The following GP5 variants were observed in gnomAD, a reference collection of about 807,000 sequenced individuals.
The protein encoded by GP5 is platelet glycoprotein V.
For missense variants in GP5, 755 were observed against 737.1 expected (o/e 1.02, Z -0.28); for synonymous variants, 382 against 353.9 (o/e 1.08, Z -0.89).
rs202163032 is a variant in GP5 at position 194,397,577 on chromosome 3, C to A, written c.706G>T (p.Gly236Trp). The change falls in exon 2 of 2, where the codon GGG (glycine) becomes TGG (tryptophan). Residue 236 changes from glycine (G) to tryptophan (W), a missense_variant. Transcript: ENST00000692618. The surrounding 1 kb of genome is among the most constrained non-coding windows in gnomAD (Gnocchi z 7.2). ...AGGTTTGGGAGCCGGTCGAAGGCCCCGGGTGCGATGGAACGGATGTGATTT... is the reference window on the plus strand; with the variant it reads ...AGGTTTGGGAGCCGGTCGAAGGCCCAGGGTGCGATGGAACGGATGTGATTT... ...HRNHIRSIAPGAFDRLPNLSS... is the reference protein window; with the variant it reads ...HRNHIRSIAPWAFDRLPNLSS... 6.2e-7 allele frequency: 1 copy of A among 1,614,122 alleles called. No individual in the cohort carries two copies. Among genetic ancestry groups the A allele is most frequent in the East Asian group, 2.2e-5 (1 of 44,864 alleles).
In GP5 at chr3:194,397,660, G is replaced by C; in HGVS notation, c.623C>G (p.Ser208Cys). 1 of 1,614,190 alleles carries C rather than the reference G, an allele frequency of 6.2e-7. No homozygotes were observed. The highest frequency in any genetic ancestry group is 8.5e-7 in the Non-Finnish European group (1 of 1,180,014). The change falls in exon 2 of 2, where the codon TCT becomes TGT. Residue 208 changes from serine to cysteine, a missense_variant. Transcript: ENST00000692618. The surrounding 1 kb of genome is among the most constrained non-coding windows in gnomAD (Gnocchi z 7.2). ...GCTGTTCAACAGCCCCGAATCCAGA[G>C]ACACAAGGCGGTTCGAGTGGAGCAG... The part of the protein sequence containing the change: ...RLLLHSNRLV[S>C]LDSGLLNSLG...
Position 194,397,681 on chromosome 3 carries a change from A to G in GP5, c.602T>C (p.Leu201Pro). 1 of 1,614,014 alleles carries G rather than the reference A, an allele frequency of 6.2e-7. No individual in the cohort carries two copies. The highest frequency in any genetic ancestry group is 8.5e-7 in the Non-Finnish European group (1 of 1,179,978). The change falls in exon 2 of 2, where the codon CTC becomes CCC. Residue 201 changes from leucine (L) to proline (P), a missense_variant. Transcript: ENST00000692618. The surrounding 1 kb of genome is among the most constrained non-coding windows in gnomAD (Gnocchi z 7.2). ...CAGAGACACAAGGCGGTTCGAGTGG[A>G]GCAGAAGTCTCTCGAGCTTAGCCTG... ...GAQAKLERLL[L>P]HSNRLVSLDS...
Position 194,396,799 on chromosome 3 carries a change from G to A in GP5, c.1484C>T (p.Ala495Val). 1.9e-6 allele frequency: 3 copies of A among 1,611,316 alleles called. No homozygotes were observed. The highest frequency in any genetic ancestry group is 2.5e-6 in the Non-Finnish European group (3 of 1,178,622). The part of the protein sequence containing the change: ...DSSSEAPVHP[A>V]LAPNSSEPWV... ...GGGTTCTGAGCTGTTGGGAGCCAAG[G>A]CTGGGTGGACAGGGGCTTCCGAGGA... The change falls in exon 2 of 2, where the codon GCC becomes GTC. Residue 495 changes from alanine to valine, a missense_variant. Ala to Val is a moderately conservative substitution (Grantham distance 64). Coordinates refer to ENST00000692618, the MANE Select transcript of GP5 (RefSeq NM_004488.2).
chr3:194,396,951 G>C lies in GP5; in HGVS notation c.1332C>G (p.Gly444=). 6.5e-7 allele frequency: 1 copy of C among 1,545,582 alleles called. No individual in the cohort carries two copies. The highest frequency in any genetic ancestry group is 1.4e-5 in the African/African-American group (1 of 73,276). The change falls in exon 2 of 2, where the codon GGC becomes GGG. Residue 444 remains glycine, a synonymous_variant. Coordinates refer to ENST00000692618, the MANE Select transcript of GP5 (RefSeq NM_004488.2). ...GWLRQHLGLV[G]GEEPPRCAGP... is the part of the protein sequence containing the mutation. ...CTGCGCACCGTGGGGGCTCTTCCCC[G>C]CCCACGAGGCCTAGGTGCTGCCGCA...
chr3:194,396,813 G>T lies in GP5; in HGVS notation c.1470C>A (p.Ala490=). The change falls in exon 2 of 2, where the codon GCC becomes GCA. Residue 490 remains alanine (A), a synonymous_variant. Coordinates refer to ENST00000692618, the MANE Select transcript of GP5 (RefSeq NM_004488.2). ...PRPAADSSSE[A]PVHPALAPNS... ...TGGGAGCCAAGGCTGGGTGGACAGG[G>T]GCTTCCGAGGAGCTGTCCGCAGCGG... The T allele has an allele frequency of 6.2e-7, 1 of 1,605,064 alleles. No homozygotes were observed. The highest frequency in any genetic ancestry group is 1.3e-5 in the African/African-American group (1 of 74,392).
rs1714423387 is a variant in GP5 at position 194,395,224 on chromosome 3, T to G, written c.*1376A>C. On this transcript the variant is annotated 3_prime_UTR_variant, in exon 2 of 2. Transcript: ENST00000692618. ...AGTTAGTAAGTGGTAGAGCTGGGATTTGAACCCACAGTTGTCAACTCGCCA... is the reference window on the plus strand; with the variant it reads ...AGTTAGTAAGTGGTAGAGCTGGGATGTGAACCCACAGTTGTCAACTCGCCA... 1 of 152,212 alleles carries G rather than the reference T, an allele frequency of 6.6e-6. No individual in the cohort carries two copies. Among genetic ancestry groups the G allele is most frequent in the African/African-American group, 2.4e-5 (1 of 41,436 alleles). 9.4% of individuals were successfully genotyped at this position (152,212 alleles called of 1,614,324 possible).
In GP5 at chr3:194,397,775, C is replaced by T. The variant is rs1714505258; in HGVS notation, c.508G>A (p.Glu170Lys). 1.2e-6 allele frequency: 2 copies of T among 1,613,826 alleles called. No homozygotes were observed. Among genetic ancestry groups the T allele is most frequent in the Admixed American group, 1.7e-5 (1 of 59,992 alleles). Reference sequence around the variant, plus strand: ...GATAAATCCAACAACTTCAGGTTCTCCAGATTCGTGAAGAGACTGGCAGGA... The same window carrying T: ...GATAAATCCAACAACTTCAGGTTCTTCAGATTCGTGAAGAGACTGGCAGGA... ...FLPASLFTNL[E>K]NLKLLDLSGN... is the part of the protein sequence containing the mutation. Residue 170 changes from glutamate to lysine, a missense_variant, in exon 2 of 2, where the codon GAG (glutamate) becomes AAG (lysine). Physicochemically the swap from Glu to Lys is moderately conservative, Grantham distance 56. Transcript: ENST00000692618. This position sits in a 1 kb window ranked among gnomAD's most constrained non-coding sequence, Gnocchi z 7.2.
rs1714421694 is a variant in GP5, at chr3:194,395,158, C to G, written c.*1442G>C. On this transcript the variant is annotated 3_prime_UTR_variant, in exon 2 of 2. Transcript: ENST00000692618. ...TGTTTTAAGGTTCAGGAAACCAAGG[C>G]TTAGAGAATGTAAGCAGGTGTCTTA... 6.6e-6 allele frequency: 1 copy of G among 152,206 alleles called. No individual in the cohort carries two copies. Among genetic ancestry groups the G allele is most frequent in the African/African-American group, 2.4e-5 (1 of 41,444 alleles). The allele number at this position is 152,206 out of a possible 1,614,324, so 9.4% of individuals were successfully genotyped here.
rs763621126 is a variant in GP5, at chr3:194,396,288, G to A, written c.*312C>T. ...GCACGGATGGGTCCAACACAGTCCA[G>A]CGCCCCCGGCAGTGTCAGCGCACAC... On this transcript the variant is annotated 3_prime_UTR_variant, in exon 2 of 2. Transcript: ENST00000692618. The A allele has an allele frequency of 1.2e-5, 4 of 321,972 alleles. No individual in the cohort carries two copies. Among genetic ancestry groups the A allele is most frequent in the Non-Finnish European group, 1.7e-5 (3 of 171,962 alleles). 19.9% of individuals were successfully genotyped at this position (321,972 alleles called of 1,614,324 possible). A position where few individuals can be genotyped will look rare whatever the true frequency, so the allele number is the denominator to read the frequency against.
chr3:194,397,871 C>CCA lies in GP5; in HGVS notation c.411_412insTG (p.Asp138TrpfsTer17). On this transcript the variant is annotated frameshift_variant, in exon 2 of 2. Coordinates refer to ENST00000692618, the MANE Select transcript of GP5 (RefSeq NM_004488.2). LOFTEE classifies it low-confidence loss of function (END_TRUNC). This position sits in a 1 kb window ranked among gnomAD's most constrained non-coding sequence, Gnocchi z 7.2. The stretch of plus-strand genomic sequence containing the variant: ...ACCAGTTTCTGAAACATGTTTTGGT[C>CCA]AATGCCCCTTAGCGCATTGTGGTCC... 1.2e-6 allele frequency: 2 copies of CCA among 1,614,100 alleles called. No homozygotes were observed. Among genetic ancestry groups the CCA allele is most frequent in the Non-Finnish European group, 1.7e-6 (2 of 1,179,976 alleles).
At position 194,396,858 on chromosome 3, in the gene GP5, G is replaced by T; in HGVS notation, c.1425C>A (p.Pro475=). The T allele has an allele frequency of 6.5e-7, 1 of 1,549,558 alleles. No homozygotes were observed. Among genetic ancestry groups the T allele is most frequent in the Non-Finnish European group, 8.7e-7 (1 of 1,153,878 alleles). ...LPGGDAECPG[P]RGPPPRPAAD... is the part of the protein sequence containing the mutation. ...CAGCGGGGCGGGGAGGCGGGCCCCG[G>T]GGGCCCGGGCACTCCGCGTCACCCC... is the stretch of plus-strand genomic sequence containing the variant. The change falls in exon 2 of 2, where the codon CCC becomes CCA. Residue 475 remains proline, a synonymous_variant. Coordinates refer to ENST00000692618, the MANE Select transcript of GP5 (RefSeq NM_004488.2).
At position 194,397,199 on chromosome 3, in the gene GP5, G is replaced by T. The variant is rs775105351; in HGVS notation, c.1084C>A (p.Leu362Ile). Residue 362 changes from leucine to isoleucine, a missense_variant, in exon 2 of 2, where the codon CTC becomes ATC. Coordinates refer to ENST00000692618, the MANE Select transcript of GP5 (RefSeq NM_004488.2). This position sits in a 1 kb window ranked among gnomAD's most constrained non-coding sequence, Gnocchi z 7.2. ...AGGGACACCTGGCGCAGCTTGCCGA[G>T]GCCGCGCAGCAAGCCGTCGGGGAGG... is the stretch of plus-strand genomic sequence containing the variant. ...TALPDGLLRG[L>I]GKLRQVSLRR... 1.5e-5 allele frequency: 23 copies of T among 1,570,722 alleles called. No homozygotes were observed. In the African/African-American group the frequency reaches 2.6e-4, roughly 17 times the overall value.
At position 194,395,648 on chromosome 3, in the gene GP5, A is replaced by C. The variant is rs900773272; in HGVS notation, c.*952T>G. 1 of 152,270 alleles carries C rather than the reference A, an allele frequency of 6.6e-6. No individual in the cohort carries two copies. The highest frequency in any genetic ancestry group is 1.5e-5 in the Non-Finnish European group (1 of 68,060). 9.4% of individuals were successfully genotyped at this position (152,270 alleles called of 1,614,324 possible). A position where few individuals can be genotyped will look rare whatever the true frequency, so the allele number is the denominator to read the frequency against. The stretch of plus-strand genomic sequence containing the variant: ...ATGAATGGAGTCCAGTGCTCTCCCA[A>C]GTAGCCCATAGGTCAGAGAGACATA... On this transcript the variant is annotated 3_prime_UTR_variant, in exon 2 of 2. Coordinates refer to ENST00000692618, the MANE Select transcript of GP5 (RefSeq NM_004488.2).
At position 194,395,502 on chromosome 3, in the gene GP5, T is replaced by TG. The variant is rs2108670848; in HGVS notation, c.*1097dup. 1 of 152,278 alleles carries TG rather than the reference T, an allele frequency of 6.6e-6. No individual in the cohort carries two copies. The highest frequency in any genetic ancestry group is 6.5e-5 in the Admixed American group (1 of 15,294). 9.4% of individuals were successfully genotyped at this position (152,278 alleles called of 1,614,324 possible). ...ACATGTTGCATGGATGTAAAGCAAG[T>TG]GGAAACTCACAGGAGGCTCAGGAAA... On this transcript the variant is annotated 3_prime_UTR_variant, in exon 2 of 2. Transcript: ENST00000692618.
rs908690078 is a variant in GP5 at position 194,395,532 on chromosome 3, C to T, written c.*1068G>A. Reference sequence around the variant, plus strand: ...ACTCACAGGAGGCTCAGGAAACACGCTGGACCTACACTGGGCACCTGGAGG... The same window carrying T: ...ACTCACAGGAGGCTCAGGAAACACGTTGGACCTACACTGGGCACCTGGAGG... On this transcript the variant is annotated 3_prime_UTR_variant, in exon 2 of 2. Transcript: ENST00000692618. 1 of 152,254 alleles carries T rather than the reference C, an allele frequency of 6.6e-6. No individual in the cohort carries two copies. The highest frequency in any genetic ancestry group is 2.4e-5 in the African/African-American group (1 of 41,458). 9.4% of individuals were successfully genotyped at this position (152,254 alleles called of 1,614,324 possible). A position where few individuals can be genotyped will look rare whatever the true frequency, so the allele number is the denominator to read the frequency against.
At position 194,396,861 on chromosome 3, in the gene GP5, G is replaced by GC; in HGVS notation, c.1421dup (p.Arg476ProfsTer44). On this transcript the variant is annotated frameshift_variant, in exon 2 of 2. Transcript: ENST00000692618. LOFTEE classifies it low-confidence loss of function (END_TRUNC). ...CGGGGCGGGGAGGCGGGCCCCGGGG[G>GC]CCCGGGCACTCCGCGTCACCCCCCG... 2 of 1,548,172 alleles carry GC rather than the reference G, an allele frequency of 1.3e-6. No homozygotes were observed. The highest frequency in any genetic ancestry group is 1.7e-6 in the Non-Finnish European group (2 of 1,153,774).
Position 194,397,984 on chromosome 3 carries a change from A to G in GP5, c.299T>C (p.Leu100Pro), listed in dbSNP as rs1441333631. 5.0e-6 allele frequency: 8 copies of G among 1,614,152 alleles called. No homozygotes were observed. In the South Asian group the frequency reaches 5.5e-5, roughly 11 times the overall value. Residue 100 changes from leucine (L) to proline (P), a missense_variant, in exon 2 of 2, where the codon CTG (leucine) becomes CCG (proline). Transcript: ENST00000692618. This position sits in a 1 kb window ranked among gnomAD's most constrained non-coding sequence, Gnocchi z 7.2. ...GTTGCGCGACAGCCTCAGGGTTTTCAGTTTTATCAGGTCACTGAAGGTGCC... is the reference window on the plus strand; with the variant it reads ...GTTGCGCGACAGCCTCAGGGTTTTCGGTTTTATCAGGTCACTGAAGGTGCC... The part of the protein sequence containing the change: ...APGTFSDLIK[L>P]KTLRLSRNKI...
At position 194,398,205 on chromosome 3, in the gene GP5, C is replaced by T. The variant is rs1347278776; in HGVS notation, c.78G>A (p.Lys26=). 1 of 1,612,704 alleles carries T rather than the reference C, an allele frequency of 6.2e-7. No homozygotes were observed. Among genetic ancestry groups the T allele is most frequent in the South Asian group, 1.1e-5 (1 of 91,002 alleles). The change falls in exon 2 of 2, where the codon AAG becomes AAA. Residue 26 remains lysine (K), a synonymous_variant. Transcript: ENST00000692618. ...ACTGCGCGGCGTCCCGGAAGACACA[C>T]TTGCAAGCTGGCGGACAGGGGAAGG... ...AQPFPCPPAC[K]CVFRDAAQCS... is the part of the protein sequence containing the mutation.
intron 1 of GP5, 192 bp from the exon 2 acceptor site, chr3:194,398,476 G>T: frequency 1.8e-6 from 1 of 571,010 alleles, no homozygotes; most frequent in Non-Finnish European, 3.1e-6. Context: ...TCATGCTTTT[G>T]CTTTATTGAT....
Sources: allele counts gnomAD v4.1 joint callset, GRCh38; gene constraint gnomAD v4.1.1; non-coding constraint Gnocchi (gnomAD v3.1); transcripts MANE v1.5; gene names NCBI Gene and HGNC (gene_info 2026-07-23, HGNC 2026-07-21).